UNC93B1: variants seen among roughly 807,000 people sequenced by gnomAD.
UNC93B1 encodes the protein unc-93B1 regulator of TLR signaling.
Under a neutral mutation model 56.8 loss-of-function variants are expected in UNC93B1, and 33 were observed. The observed-to-expected ratio is 0.58, with a 90% CI of 0.44 to 0.78. The LOEUF is 0.78. UNC93B1 is among the 30% of genes least tolerant of loss of function. The probability of loss-of-function intolerance (pLI) is 0.00; values close to 1 mark genes in which losing one functional copy is unlikely to be tolerated. For missense variants in UNC93B1, 673 were observed against 819.5 expected (o/e 0.82, Z 2.18); for synonymous variants, 334 against 358.6 (o/e 0.93, Z 0.77).
At chr11:67,995,933 A>C (rs375352397) in intron 8 of UNC93B1, 49 bp from the exon 9 acceptor site, 512 of 1,412,670 alleles carry the variant, frequency 3.6e-4, no homozygotes, top group East Asian at 7.8e-4. Flanking sequence ...AGCCCAGACC[A>C]CAGTCTCAGC....
chr11:68,003,818 C>T lies in UNC93B1; in HGVS notation c.97-20G>A. The T allele has an allele frequency of 1.4e-6, 2 of 1,458,538 alleles. No individual in the cohort carries two copies. Among genetic ancestry groups the T allele is most frequent in the Admixed American group, 4.7e-5 (2 of 42,528 alleles). 90.3% of individuals were successfully genotyped at this position (1,458,538 alleles called of 1,614,324 possible). ...GTCCAGCTGCGAGCCACGCACGCCG[C>T]TCGCACCCGCGATCGCGCCCCGAAC... On this transcript the variant is annotated intron_variant, in intron 1 of 10. Coordinates refer to ENST00000227471, the MANE Select transcript of UNC93B1 (RefSeq NM_030930.4). The surrounding 1 kb of genome is among the most constrained non-coding windows in gnomAD (Gnocchi z 4.4).
In UNC93B1 at chr11:68,003,780, C is replaced by A; in HGVS notation, c.115G>T (p.Ala39Ser). 1 of 1,511,514 alleles carries A rather than the reference C, an allele frequency of 6.6e-7. No individual in the cohort carries two copies. Among genetic ancestry groups the A allele is most frequent in the South Asian group, 1.2e-5 (1 of 81,200 alleles). 93.6% of individuals were successfully genotyped at this position (1,511,514 alleles called of 1,614,324 possible). Reference protein sequence around the residue: ...PEAPLDELVGAYPNYNEEEEE... With the variant: ...PEAPLDELVGSYPNYNEEEEE... Reference sequence around the variant, plus strand: ...TCCTCCTCGTTGTAGTTGGGGTACGCGCCCACCAGCTCGTCCAGCTGCGAG... The same window carrying A: ...TCCTCCTCGTTGTAGTTGGGGTACGAGCCCACCAGCTCGTCCAGCTGCGAG... Residue 39 changes from alanine to serine, a missense_variant, in exon 2 of 11, where the codon GCG becomes TCG. This residue lies in a region of UNC93B1 where 438 missense variants were observed against 465.9 expected (regional missense o/e 0.94). Coordinates refer to ENST00000227471, the MANE Select transcript of UNC93B1 (RefSeq NM_030930.4). This position sits in a 1 kb window ranked among gnomAD's most constrained non-coding sequence, Gnocchi z 4.4.
At position 67,996,728 on chromosome 11, in the gene UNC93B1, G is replaced by A; in HGVS notation, c.963C>T (p.Ser321=). 6.4e-7 allele frequency: 1 copy of A among 1,556,402 alleles called. No homozygotes were observed. The highest frequency in any genetic ancestry group is 1.2e-5 in the South Asian group (1 of 84,356). Residue 321 remains serine (S), a synonymous_variant, in exon 8 of 11, where the codon AGC becomes AGT. Coordinates refer to ENST00000227471, the MANE Select transcript of UNC93B1 (RefSeq NM_030930.4). ...GCTGGAAGATGTTGCCCCAGCCCAC[G>A]CTGCGCAGATCGATCTCCTCCGTGG... ...YRPTEEIDLR[S]VGWGNIFQLP...
At chr11:68,000,488 A>G (rs1857027854) in intron 3 of UNC93B1, among the ~76,000 whole-genome samples, 1 of 152,000 alleles carries the variant, frequency 6.6e-6, no homozygotes, top group African/African-American at 2.4e-5. Flanking sequence ...AACATGGTGA[A>G]ACCCCACCTC....
At chr11:67,999,430 G>T in intron 4 of UNC93B1, 89 bp downstream of exon 4, 1 of 1,546,272 alleles carries the variant, frequency 6.5e-7, no homozygotes, top group Non-Finnish European at 8.7e-7. Flanking sequence ...GGCGGAAGGG[G>T]CTTCCTGTGG....
At chr11:67,995,121 C>T (rs1856912514) in intron 9 of UNC93B1, among the ~76,000 whole-genome samples, 2 of 152,206 alleles carry the variant, frequency 1.3e-5, no homozygotes, top group Non-Finnish European at 2.9e-5. Flanking sequence ...GCTCCTACCA[C>T]ATGCTCCGTG....
intron 10 of UNC93B1, among the ~76,000 whole-genome samples, chr11:67,993,373 T>C (rs1271877257): frequency 6.6e-6 from 1 of 152,246 alleles, no homozygotes; most frequent in Non-Finnish European, 1.5e-5. Context: ...ATGAGGAGCC[T>C]GCTCCCCTTC....
chr11:68,003,073 C>A lies in UNC93B1; in HGVS notation c.341G>T (p.Gly114Val). 1 of 1,613,464 alleles carries A rather than the reference C, an allele frequency of 6.2e-7. No homozygotes were observed. The highest frequency in any genetic ancestry group is 8.5e-7 in the Non-Finnish European group (1 of 1,179,752). ...LPDIDSKMLMGINVTPIAALL... is the reference protein window; with the variant it reads ...LPDIDSKMLMVINVTPIAALL... ...GGCGGCGATGGGAGTCACGTTGATG[C>A]CCATCAGCATTTTGCTGTCGATGTC... The change falls in exon 3 of 11, where the codon GGC becomes GTC. Residue 114 changes from glycine to valine, a missense_variant. Physicochemically the swap from Gly to Val is moderately radical, Grantham distance 109. Coordinates refer to ENST00000227471, the MANE Select transcript of UNC93B1 (RefSeq NM_030930.4). This position sits in a 1 kb window ranked among gnomAD's most constrained non-coding sequence, Gnocchi z 4.4.
chr11:68,004,020 G>A lies in UNC93B1; in HGVS notation c.24C>T (p.Tyr8=), dbSNP rs1198921778. 4.3e-6 allele frequency: 6 copies of A among 1,402,616 alleles called. No homozygotes were observed. Among genetic ancestry groups the A allele is most frequent in the Non-Finnish European group, 5.6e-6 (6 of 1,075,230 alleles). 86.9% of individuals were successfully genotyped at this position (1,402,616 alleles called of 1,614,324 possible). Residue 8 remains tyrosine, a synonymous_variant, in exon 1 of 11, where the codon TAC becomes TAT. Coordinates refer to ENST00000227471, the MANE Select transcript of UNC93B1 (RefSeq NM_030930.4). MEAEPPL[Y]PMAGAAGPQG... ...GCGGCCCCGCAGCCCCCGCCATCGG[G>A]TAGAGCGGCGGCTCCGCCTCCATGG...
chr11:68,003,997 G>A lies in UNC93B1; in HGVS notation c.47C>T (p.Pro16Leu), dbSNP rs1403848624. The change falls in exon 1 of 11, where the codon CCG (proline) becomes CTG (leucine). Residue 16 changes from proline (P) to leucine (L), a missense_variant. Around this residue, in one of 3 missense-constraint regions of UNC93B1, gnomAD observed 438 missense variants for 465.9 expected, o/e 0.94. Transcript: ENST00000227471. This position sits in a 1 kb window ranked among gnomAD's most constrained non-coding sequence, Gnocchi z 4.4. ...CCCGAGCAGGTCCTCGTCGCCCTGC[G>A]GCCCCGCAGCCCCCGCCATCGGGTA... Reference protein sequence around the residue: ...PLYPMAGAAGPQGDEDLLGVP... With the variant: ...PLYPMAGAAGLQGDEDLLGVP... 3 of 1,400,494 alleles carry A rather than the reference G, an allele frequency of 2.1e-6. No homozygotes were observed. The highest frequency in any genetic ancestry group is 1.9e-6 in the Non-Finnish European group (2 of 1,074,168). The allele number at this position is 1,400,494 out of a possible 1,614,324, so 86.8% of individuals were successfully genotyped here.
chr11:67,997,551 G>T (rs1856969099), intron 7 of UNC93B1, 124 bp downstream of exon 7: 4 of 1,510,978 alleles, frequency 2.6e-6, no homozygotes, highest in Non-Finnish European at 3.6e-6. Context: ...CCAGGCCTAC[G>T]GCCTGCCCCG....
rs993303626 is a variant in UNC93B1, at chr11:68,003,687, C to A, written c.208G>T (p.Gly70Trp). The A allele has an allele frequency of 6.5e-7, 1 of 1,529,400 alleles. No homozygotes were observed. The highest frequency in any genetic ancestry group is 2.5e-5 in the East Asian group (1 of 39,580). 94.7% of individuals were successfully genotyped at this position (1,529,400 alleles called of 1,614,324 possible). The change falls in exon 2 of 11, where the codon GGG (glycine) becomes TGG (tryptophan). Residue 70 changes from glycine (G) to tryptophan (W), a missense_variant. Transcript: ENST00000227471. The surrounding 1 kb of genome is among the most constrained non-coding windows in gnomAD (Gnocchi z 4.4). Reference protein sequence around the residue: ...VLKNVLAASAGGMLTYGVYLG... With the variant: ...VLKNVLAASAWGMLTYGVYLG... The stretch of plus-strand genomic sequence containing the variant: ...TAGACGCCGTAGGTGAGCATGCCCC[C>A]GGCGCTGGCAGCCAGCACGTTCTTG...
chr11:68,004,033 T>C lies in UNC93B1; in HGVS notation c.11A>G (p.Glu4Gly). Residue 4 changes from glutamate to glycine, a missense_variant, in exon 1 of 11, where the codon GAG (glutamate) becomes GGG (glycine). Coordinates refer to ENST00000227471, the MANE Select transcript of UNC93B1 (RefSeq NM_030930.4). MEA[E>G]PPLYPMAGAA... ...CCCCGCCATCGGGTAGAGCGGCGGC[T>C]CCGCCTCCATGGCCCGAACTACTGC... 7.2e-7 allele frequency: 1 copy of C among 1,398,242 alleles called. No individual in the cohort carries two copies. The highest frequency in any genetic ancestry group is 9.3e-7 in the Non-Finnish European group (1 of 1,073,210). 86.6% of individuals were successfully genotyped at this position (1,398,242 alleles called of 1,614,324 possible). A position where few individuals can be genotyped will look rare whatever the true frequency, so the allele number is the denominator to read the frequency against.
chr11:67,999,380 G>A (rs773327562), intron 4 of UNC93B1, 75 bp from the exon 5 acceptor site: 2 of 1,556,738 alleles, frequency 1.3e-6, no homozygotes, highest in Admixed American at 3.9e-5. Context: ...CCAGAGCTAG[G>A]AGCAGACCAG....
At chr11:68,002,171 A>C (rs1201335460) in intron 3 of UNC93B1, among the ~76,000 whole-genome samples, 1 of 125,948 alleles carries the variant, frequency 7.9e-6, no homozygotes, top group Non-Finnish European at 1.7e-5. Flanking sequence ...AAAAGCAAAC[A>C]TAGCCCGCTT....
Position 68,003,180 on chromosome 11 carries a change from G to A in UNC93B1, c.239-5C>T. The A allele has an allele frequency of 6.2e-7, 1 of 1,609,664 alleles. No homozygotes were observed. Among genetic ancestry groups the A allele is most frequent in the Non-Finnish European group, 8.5e-7 (1 of 1,179,418 alleles). On this transcript the variant is annotated splice_polypyrimidine_tract_variant and splice_region_variant and intron_variant, in intron 2 of 10. Coordinates refer to ENST00000227471, the MANE Select transcript of UNC93B1 (RefSeq NM_030930.4). The surrounding 1 kb of genome is among the most constrained non-coding windows in gnomAD (Gnocchi z 4.4). ...TCAGCTGCATCTGCAGGAGGCCTGG[G>A]GACAGGACAGAGAGCGGCGTGCAGG...
At chr11:68,002,418 G>A (rs1857062019) in intron 3 of UNC93B1, among the ~76,000 whole-genome samples, 1 of 152,134 alleles carries the variant, frequency 6.6e-6, no homozygotes, top group African/African-American at 2.4e-5. Context: ...GTTTTCTCTT[G>A]TTGTTTTGTT....
Position 68,003,927 on chromosome 11 carries a change from G to T in UNC93B1, c.96+21C>A. On this transcript the variant is annotated intron_variant, in intron 1 of 10. Transcript: ENST00000227471. This position sits in a 1 kb window ranked among gnomAD's most constrained non-coding sequence, Gnocchi z 4.4. ...GGCCCACAGGGGACGCCCGCGCCTC[G>T]CACTCCGGGTCCCCGCTCACCGGGG... 2 of 1,364,798 alleles carry T rather than the reference G, an allele frequency of 1.5e-6. No individual in the cohort carries two copies. The highest frequency in any genetic ancestry group is 1.9e-6 in the Non-Finnish European group (2 of 1,054,322). The allele number at this position is 1,364,798 out of a possible 1,614,324, so 84.5% of individuals were successfully genotyped here.
In UNC93B1 at chr11:68,003,115, C is replaced by T; in HGVS notation, c.299G>A (p.Gly100Asp). The T allele has an allele frequency of 6.2e-7, 1 of 1,613,566 alleles. No homozygotes were observed. The highest frequency in any genetic ancestry group is 8.5e-7 in the Non-Finnish European group (1 of 1,179,822). ...YDETYREVKYGNMGLPDIDSK... is the reference protein window; with the variant it reads ...YDETYREVKYDNMGLPDIDSK... The stretch of plus-strand genomic sequence containing the variant: ...GTCGATGTCGGGCAGCCCCATGTTG[C>T]CATACTTCACCTCGCGGTAGGTCTC... The change falls in exon 3 of 11, where the codon GGC (glycine) becomes GAC (aspartate). Residue 100 changes from glycine (G) to aspartate (D), a missense_variant. By Grantham distance (94) the Gly-to-Asp change is moderately conservative (BLOSUM62 -1). Transcript: ENST00000227471. The surrounding 1 kb of genome is among the most constrained non-coding windows in gnomAD (Gnocchi z 4.4).
Sources: gnomAD v4.1 joint callset for allele counts (sites outside exome capture counted in the v4.1 genomes callset) on GRCh38, gnomAD v4.1.1 for gene constraint, gnomAD v4.1.1 regional missense constraint, Gnocchi (gnomAD v3.1) non-coding constraint, MANE v1.5 for transcripts, NCBI Gene and HGNC (gene_info 2026-07-23, HGNC 2026-07-21) for gene names.